Variants in ZNF813 observed in about 807,000 individuals in gnomAD.
ZNF813 encodes zinc finger protein 813.
ZNF813 carries 3 observed loss-of-function variants against 7.2 expected under a neutral mutation model. The observed-to-expected ratio is 0.42, with a 90% CI of 0.19 to 1.08. The LOEUF (loss-of-function observed/expected upper bound fraction) is 1.08. ZNF813 is among the 50% of genes least tolerant of loss of function. ZNF813 has a pLI of 0.30. For missense variants in ZNF813, 714 were observed against 753.3 expected (o/e 0.95, Z 0.61); for synonymous variants, 227 against 256.3 (o/e 0.89, Z 1.09).
intron 1 of ZNF813, among the ~76,000 whole-genome samples, chr19:53,472,607 C>CTTTTTTT (rs200658542): frequency 0.11 from 14,203 of 133,640 alleles, 1,264 homozygotes; most frequent in East Asian, 0.23. Flanking sequence ...AAGTACAAGT[C>CTTTTTTT]TTTCTTTTTT....
intron 3 of ZNF813, chr19:53,488,116 C>G (rs1309199360): frequency 1.6e-5 from 6 of 372,376 alleles, no homozygotes; most frequent in Non-Finnish European, 1.1e-5. Context: ...CCTCCAACTC[C>G]CAGGTTCAAG....
At chr19:53,487,527 G>T (rs888504002) in intron 3 of ZNF813, among the ~76,000 whole-genome samples, 6 of 152,082 alleles carry the variant, frequency 3.9e-5, no homozygotes, top group African/African-American at 1.4e-4. Context: ...TTGTGCCCCA[G>T]TGGCTCATGC....
At chr19:53,482,959 C>G (rs1350824032) in intron 1 of ZNF813, among the ~76,000 whole-genome samples, 1 of 151,594 alleles carries the variant, frequency 6.6e-6, no homozygotes, top group Non-Finnish European at 1.5e-5. Flanking sequence ...GTCACCCAGG[C>G]TGGAGTGCAG....
intron 3 of ZNF813, among the ~76,000 whole-genome samples, chr19:53,488,752 A>G (rs1425512360): frequency 6.6e-6 from 1 of 151,896 alleles, no homozygotes; most frequent in Non-Finnish European, 1.5e-5. Context: ...AATGCTGTGT[A>G]TATTTTTGAC....
intron 1 of ZNF813, among the ~76,000 whole-genome samples, chr19:53,471,985 C>T (rs1168041504): frequency 6.6e-6 from 1 of 152,010 alleles, no homozygotes; most frequent in Non-Finnish European, 1.5e-5. Context: ...TTCAGCTAGC[C>T]GAGCAAACAG....
chr19:53,470,999 A>G (rs1310514383), intron 1 of ZNF813, among the ~76,000 whole-genome samples: 1 of 152,060 alleles, frequency 6.6e-6, no homozygotes, highest in East Asian at 1.9e-4. Flanking sequence ...TACCTTTATG[A>G]CTTATTTTGT....
intron 3 of ZNF813, chr19:53,488,180 A>G (rs1216066464): frequency 2.2e-6 from 1 of 449,554 alleles, no homozygotes; most frequent in African/African-American, 2.0e-5. Context: ...ATGTGCCACC[A>G]TGCCTGGCTA....
rs964905774 is a variant in ZNF813 at position 53,467,775 on chromosome 19, G to A, written c.-88G>A. The A allele has an allele frequency of 1.7e-5, 3 of 178,730 alleles. No homozygotes were observed. Among genetic ancestry groups the A allele is most frequent in the South Asian group, 9.7e-5 (1 of 10,314 alleles). 11.1% of individuals were successfully genotyped at this position (178,730 alleles called of 1,614,324 possible). A position where few individuals can be genotyped will look rare whatever the true frequency, so the allele number is the denominator to read the frequency against. ...CGGAAGCGGATCGCGTGGAGTGACGGTCCCACGGCAGCGCGTGAGTTTGGC... is the reference window on the plus strand; with the variant it reads ...CGGAAGCGGATCGCGTGGAGTGACGATCCCACGGCAGCGCGTGAGTTTGGC... On this transcript the variant is annotated 5_prime_UTR_variant, in exon 1 of 4. Transcript: ENST00000396403.
intron 1 of ZNF813, chr19:53,479,848 G>A (rs2086399113): frequency 1.9e-6 from 2 of 1,071,520 alleles, no homozygotes; most frequent in Admixed American, 3.4e-5. Flanking sequence ...ACCAGAACCT[G>A]AAGTGTCTGA....
In ZNF813 at chr19:53,490,530, CA is replaced by C. The variant is rs1568432553; in HGVS notation, c.299del (p.Gln100ArgfsTer14). 1 of 1,614,096 alleles carries C rather than the reference CA, an allele frequency of 6.2e-7. No individual in the cohort carries two copies. The highest frequency in any genetic ancestry group is 1.7e-5 in the Admixed American group (1 of 60,002). ...TAAAGATATTCATAACTTAGAGTTT[CA>C]GTGGCAAGAAGATGAAAGAAATAGC... The part of the protein sequence containing the change: ...IDKDIHNLEF[Q>X]WQEDERNSHE... On this transcript the variant is annotated frameshift_variant, in exon 4 of 4. Transcript: ENST00000396403. LOFTEE classifies it low-confidence loss of function (END_TRUNC).
In ZNF813 at chr19:53,476,801, C is replaced by T. The variant is rs2086384126; in HGVS notation, c.-73-6949C>T. Among the ~76,000 whole-genome samples the T allele has an allele frequency of 2.0e-5, 3 of 152,098 alleles. No individual in the cohort carries two copies. In the South Asian group the frequency reaches 6.2e-4, roughly 32 times the overall value. On this transcript the variant is annotated intron_variant, in intron 1 of 3. Coordinates refer to ENST00000396403, the MANE Select transcript of ZNF813 (RefSeq NM_001004301.4). ...GCCTCAGCCTTCTGAGTAGCTGGGACTACAGGGGCCCGCCACCACGCCTGG... is the reference window on the plus strand; with the variant it reads ...GCCTCAGCCTTCTGAGTAGCTGGGATTACAGGGGCCCGCCACCACGCCTGG...
In ZNF813 at chr19:53,491,359, T is replaced by G. The variant is rs185798337; in HGVS notation, c.1127T>G (p.Leu376Arg). The change falls in exon 4 of 4, where the codon CTT becomes CGT. Residue 376 changes from leucine (L) to arginine (R), a missense_variant. Transcript: ENST00000396403. ...RKSSLTCHHR[L>R]HTGEKPYKCN... ...TCATCCCTTACATGCCATCATAGAC[T>G]TCATACGGGAGAGAAACCTTATAAG... 1.3e-4 allele frequency: 217 copies of G among 1,613,066 alleles called. 2 individuals are homozygous for G. The African/African-American group carries it at 2.6e-3, about 20-fold the overall frequency.
chr19:53,473,720 G>T (rs752028079), intron 1 of ZNF813, among the ~76,000 whole-genome samples: 2 of 152,170 alleles, frequency 1.3e-5, no homozygotes, highest in Non-Finnish European at 2.9e-5. Flanking sequence ...TCAGTTATGG[G>T]CTTCTTGCAT....
intron 1 of ZNF813, among the ~76,000 whole-genome samples, chr19:53,482,726 T>G (rs112973601): frequency 0.017 from 2,339 of 135,554 alleles, 66 homozygotes; most frequent in African/African-American, 0.064. Context: ...TTTTTTTTTT[T>G]TTTTTTTTTT....
intron 2 of ZNF813, among the ~76,000 whole-genome samples, chr19:53,485,946 C>T (rs1051763706): frequency 1.6e-4 from 25 of 152,120 alleles, no homozygotes; most frequent in African/African-American, 5.1e-4. Context: ...TTGCCCAGGC[C>T]GGAGTGCAAT....
At chr19:53,480,263 C>A in intron 1 of ZNF813, 1 of 744,108 alleles carries the variant, frequency 1.3e-6, no homozygotes, top group Non-Finnish European at 2.5e-6. Context: ...GTCTCTGCCT[C>A]TTCCTGGAGA....
intron 1 of ZNF813, chr19:53,479,901 A>G: frequency 2.2e-6 from 2 of 901,038 alleles, no homozygotes; most frequent in Non-Finnish European, 1.8e-6. Context: ...GACAAATGTG[A>G]GGAAGAGATG....
chr19:53,479,210 C>A, intron 1 of ZNF813: 1 of 764,728 alleles, frequency 1.3e-6, no homozygotes, highest in Non-Finnish European at 2.1e-6. Context: ...GCTGGGATTA[C>A]AGGTGTGAGC....
At chr19:53,468,856 A>G (rs984720407) in intron 1 of ZNF813, among the ~76,000 whole-genome samples, 2 of 150,564 alleles carry the variant, frequency 1.3e-5, no homozygotes, top group African/African-American at 4.9e-5. Flanking sequence ...TCTTATCTCA[A>G]CTGCAAAGAG....
Sources: allele counts gnomAD v4.1 joint callset (sites outside exome capture counted in the v4.1 genomes callset), GRCh38; gene constraint gnomAD v4.1.1; transcripts MANE v1.5; gene names NCBI Gene and HGNC (gene_info 2026-07-23, HGNC 2026-07-21).